TRPM3: variants seen among roughly 807,000 people sequenced by gnomAD.
TRPM3 encodes transient receptor potential cation channel subfamily M member 3, also known as long transient receptor potential channel 3.
In TRPM3, 77 loss-of-function variants were observed where a neutral mutation model predicts 181.2. The observed-to-expected ratio is 0.42, with a 90% confidence interval of 0.35 to 0.51. TRPM3 has a LOEUF of 0.51. Among genes scored for constraint, TRPM3 ranks in the 20% least tolerant of loss-of-function variants. The probability of loss-of-function intolerance (pLI) is 0.01; values close to 1 mark genes in which losing one functional copy is unlikely to be tolerated. For synonymous variants in TRPM3, 745 were observed against 796.4 expected, an observed-to-expected ratio of 0.94 and a Z score of 1.09; for missense variants, 1,759 against 2,196.7, an observed-to-expected ratio of 0.80 and a Z score of 3.98.
chr9:70,676,743 T>A (rs1262555374), intron 9 of TRPM3, among the ~76,000 whole-genome samples: 1 of 152,124 alleles, frequency 6.6e-6, no homozygotes, highest in African/African-American at 2.4e-5. Flanking sequence ...CAAACTTGCC[T>A]TAAGGCTAAA....
Position 70,862,888 on chromosome 9 carries a change from C to A in TRPM3, c.462+20G>T. The A allele has an allele frequency of 6.2e-7, 1 of 1,612,186 alleles. No homozygotes were observed. Among genetic ancestry groups the A allele is most frequent in the Non-Finnish European group, 8.5e-7 (1 of 1,178,832 alleles). On this transcript the variant is annotated intron_variant, in intron 3 of 25. Coordinates refer to ENST00000677713, the MANE Select transcript of TRPM3 (RefSeq NM_001366145.2). ...GACTTGAGATAGCATTTGGGAGCAA[C>A]TGAATGGCTTTCTGATTACCATGGC...
intron 8 of TRPM3, among the ~76,000 whole-genome samples, chr9:70,758,516 T>G (rs1177119282): frequency 3.0e-4 from 45 of 152,186 alleles, no homozygotes; most frequent in Non-Finnish European, 5.9e-5. Context: ...AGAGCCCACA[T>G]AGCCAAGACA....
chr9:71,393,892 A>G (rs1392762466), intron 1 of TRPM3, among the ~76,000 whole-genome samples: 1 of 152,208 alleles, frequency 6.6e-6, no homozygotes, highest in Non-Finnish European at 1.5e-5. Context: ...TTTGAAAGAA[A>G]GTTTGTACTG....
At chr9:71,199,040 A>T (rs1365828166) in intron 1 of TRPM3, among the ~76,000 whole-genome samples, 666 of 128,188 alleles carry the variant, frequency 5.2e-3, no homozygotes, top group Admixed American at 5.8e-3. Context: ...ATTTTGAGAT[A>T]CGTCCCATCA....
chr9:70,543,259 T>C (rs1022418450), intron 25 of TRPM3, among the ~76,000 whole-genome samples: 1 of 151,826 alleles, frequency 6.6e-6, no homozygotes. Context: ...ACATGAGATG[T>C]TTTGACACAG....
intron 1 of TRPM3, among the ~76,000 whole-genome samples, chr9:70,959,199 TGTATA>T (rs944542902): frequency 6.6e-6 from 1 of 150,726 alleles, no homozygotes; most frequent in Non-Finnish European, 1.5e-5. Flanking sequence ...AAAAAAAAAA[TGTATA>T]GTAAATATTT....
chr9:71,225,137 C>T (rs1285662676), intron 1 of TRPM3, among the ~76,000 whole-genome samples: 1 of 151,968 alleles, frequency 6.6e-6, no homozygotes, highest in Non-Finnish European at 1.5e-5. Flanking sequence ...GAACACTAAG[C>T]AGATTTAACC....
chr9:71,420,768 AGAG>A (rs2093730424), intron 1 of TRPM3, among the ~76,000 whole-genome samples: 1 of 38,456 alleles, frequency 2.6e-5, no homozygotes. Context: ...AGAGAGAGAA[AGAG>A]AGAGAAAGAG....
intron 1 of TRPM3, among the ~76,000 whole-genome samples, chr9:71,209,453 A>G (rs528788097): frequency 5.9e-5 from 9 of 152,098 alleles, no homozygotes; most frequent in African/African-American, 2.2e-4. Flanking sequence ...AATTAATTGG[A>G]CCAAAAGGAA....
chr9:70,543,816 G>GT (rs1422770248), intron 25 of TRPM3, among the ~76,000 whole-genome samples: 1 of 152,186 alleles, frequency 6.6e-6, no homozygotes, highest in Non-Finnish European at 1.5e-5. Flanking sequence ...GTGAAGCCTG[G>GT]TAGGTGGGGT....
intron 1 of TRPM3, among the ~76,000 whole-genome samples, chr9:71,206,682 T>C (rs774579847): frequency 2.6e-5 from 4 of 152,180 alleles, no homozygotes; most frequent in Non-Finnish European, 5.9e-5. Flanking sequence ...CTAAATGGTA[T>C]TGCCTAGGTT....
intron 7 of TRPM3, among the ~76,000 whole-genome samples, chr9:70,765,809 A>G (rs1453042836): frequency 6.6e-6 from 1 of 152,090 alleles, no homozygotes; most frequent in East Asian, 1.9e-4. Flanking sequence ...TTTCTGTGCA[A>G]CATTGGAGTG....
chr9:70,532,177 T>C lies in TRPM3; in HGVS notation c.*3776A>G, dbSNP rs565173144. 11 of 152,332 alleles carry C rather than the reference T, an allele frequency of 7.2e-5. 1 individual carries two copies. Among genetic ancestry groups the C allele is most frequent in the African/African-American group, 2.6e-4 (11 of 41,582 alleles). 9.4% of individuals were successfully genotyped at this position (152,332 alleles called of 1,614,324 possible). On this transcript the variant is annotated 3_prime_UTR_variant, in exon 26 of 26. Transcript: ENST00000677713. ...GGATGACCGGGTAATATTTATCATC[T>C]TTAAAGAAATTAAACAGCCCAAACA...
chr9:71,265,067 T>G (rs1005495049), intron 1 of TRPM3, among the ~76,000 whole-genome samples: 1 of 152,162 alleles, frequency 6.6e-6, no homozygotes, highest in Non-Finnish European at 1.5e-5. Flanking sequence ...CACTTAGTTT[T>G]CTTAAATTCA....
At chr9:71,072,090 T>C (rs1440049568) in intron 1 of TRPM3, among the ~76,000 whole-genome samples, 1 of 152,178 alleles carries the variant, frequency 6.6e-6, no homozygotes, top group Non-Finnish European at 1.5e-5. Context: ...GAGGAGCTAA[T>C]TGAAACCAAA....
At chr9:71,247,353 C>CAAAA (rs34584730) in intron 1 of TRPM3, among the ~76,000 whole-genome samples, 4,779 of 82,018 alleles carry the variant, frequency 0.058, 241 homozygotes, top group African/African-American at 0.086. Flanking sequence ...GACTCTGTCT[C>CAAAA]AAAAAAAAAA....
At chr9:71,123,352 T>C (rs536746563), upstream of TRPM3, among the ~76,000 whole-genome samples, 35 of 152,344 alleles carry the variant, frequency 2.3e-4, no homozygotes, top group Admixed American at 5.2e-4. Context: ...AATTCCAATT[T>C]TGAAGCTAGT....
At chr9:70,558,922 A>G (rs1054888416) in intron 22 of TRPM3, among the ~76,000 whole-genome samples, 1 of 152,240 alleles carries the variant, frequency 6.6e-6, no homozygotes, top group East Asian at 1.9e-4. Context: ...TTAACTATGC[A>G]TTAATAAGTA....
At chr9:71,128,131 C>A (rs772414318) in intron 1 of TRPM3, among the ~76,000 whole-genome samples, 17 of 152,202 alleles carry the variant, frequency 1.1e-4, no homozygotes, top group Non-Finnish European at 2.4e-4. Context: ...AAGAGACCCA[C>A]CTCTGACTCT....
Sources: allele counts gnomAD v4.1 joint callset (sites outside exome capture counted in the v4.1 genomes callset), GRCh38; gene constraint gnomAD v4.1.1; transcripts MANE v1.5; gene names NCBI Gene and HGNC (gene_info 2026-07-23, HGNC 2026-07-21).